Variants in SDK1 observed in about 807,000 individuals in gnomAD.
SDK1 encodes protein sidekick-1.
Under a neutral mutation model 245.5 loss-of-function variants are expected in SDK1, and 157 were observed. That is an observed-to-expected ratio of 0.64 (90% confidence interval 0.56 to 0.73). SDK1 has a LOEUF of 0.73. SDK1 is among the 30% of genes least tolerant of loss of function. SDK1 has a pLI of 0.00. For missense variants in SDK1, 3,583 were observed against 3,002.3 expected (o/e 1.19, Z -4.52); for synonymous variants, 1,647 against 1,278.5 (o/e 1.29, Z -6.15).
chr7:4,216,906 C>T (rs1290646205), intron 38 of SDK1, among the ~76,000 whole-genome samples: 1 of 152,200 alleles, frequency 6.6e-6, no homozygotes, highest in African/African-American at 2.4e-5. Context: ...CATCCCCAGC[C>T]ATCCCCGTCA....
intron 38 of SDK1, among the ~76,000 whole-genome samples, chr7:4,212,308 T>C (rs1784552267): frequency 6.6e-6 from 1 of 152,186 alleles, no homozygotes; most frequent in Admixed American, 6.5e-5. Flanking sequence ...CATCATTATT[T>C]TATGAAGTGC....
chr7:3,322,869 G>A (rs149512450), intron 1 of SDK1, among the ~76,000 whole-genome samples: 2,438 of 152,182 alleles, frequency 0.016, 58 homozygotes, highest in African/African-American at 0.049. Context: ...GGGTGTGGTG[G>A]TGTGATCACA....
rs527397818 is a variant in SDK1, at chr7:3,619,156, C to G, written c.375C>G (p.Thr125=). 8.8e-5 allele frequency: 142 copies of G among 1,613,788 alleles called. 1 individual carries two copies. The highest frequency in any genetic ancestry group is 1.2e-4 in the Non-Finnish European group (141 of 1,179,848). The change falls in exon 2 of 45, where the codon ACC becomes ACG. Residue 125 remains threonine, a synonymous_variant. Transcript: ENST00000404826. ...IHLEGNRLVL[T]CLAEGSWPLE... The stretch of plus-strand genomic sequence containing the variant: ...TGGAAGGGAACCGCCTTGTTCTCAC[C>G]TGCCTTGCCGAAGGGAGCTGGCCTT...
At chr7:3,330,397 G>A (rs958850574) in intron 1 of SDK1, among the ~76,000 whole-genome samples, 1 of 152,074 alleles carries the variant, frequency 6.6e-6, no homozygotes, top group Admixed American at 6.5e-5. Context: ...TTATGTGTTG[G>A]AAACTTCACC....
At chr7:3,797,381 C>G (rs1373457453) in intron 4 of SDK1, among the ~76,000 whole-genome samples, 1 of 151,176 alleles carries the variant, frequency 6.6e-6, no homozygotes, top group African/African-American at 2.4e-5. Context: ...TATAAATAAG[C>G]TAATGTATAT....
intron 38 of SDK1, among the ~76,000 whole-genome samples, chr7:4,210,509 G>T (rs1322849782): frequency 6.6e-6 from 1 of 152,128 alleles, no homozygotes; most frequent in African/African-American, 2.4e-5. Context: ...TTGTCCTGTG[G>T]TCGCCGACAG....
At chr7:3,633,567 A>G (rs1282330351) in intron 2 of SDK1, among the ~76,000 whole-genome samples, 5 of 152,134 alleles carry the variant, frequency 3.3e-5, no homozygotes, top group Non-Finnish European at 5.9e-5. Context: ...CATGATTTTT[A>G]GTGGTTTACC....
At chr7:3,486,071 T>C (rs1781685419) in intron 1 of SDK1, among the ~76,000 whole-genome samples, 1 of 152,090 alleles carries the variant, frequency 6.6e-6, no homozygotes, top group African/African-American at 2.4e-5. Flanking sequence ...AAATCATCTA[T>C]GCTTAGTGCT....
At chr7:3,907,188 C>A (rs1194680096) in intron 5 of SDK1, among the ~76,000 whole-genome samples, 1 of 152,236 alleles carries the variant, frequency 6.6e-6, no homozygotes, top group South Asian at 2.1e-4. Flanking sequence ...AACTTAGTAG[C>A]ATTAATTACA....
At chr7:3,710,055 T>C (rs1386899595) in intron 4 of SDK1, among the ~76,000 whole-genome samples, 1 of 152,284 alleles carries the variant, frequency 6.6e-6, no homozygotes, top group African/African-American at 2.4e-5. Flanking sequence ...GAGATTTTAT[T>C]AAAACTCTGT....
At chr7:4,237,181 T>C (rs559739794) in intron 41 of SDK1, among the ~76,000 whole-genome samples, 2 of 152,288 alleles carry the variant, frequency 1.3e-5, no homozygotes, top group African/African-American at 4.8e-5. Flanking sequence ...CACACGCCTC[T>C]GTGCCTGGCT....
intron 1 of SDK1, among the ~76,000 whole-genome samples, chr7:3,593,488 G>T (rs1236161441): frequency 1.3e-5 from 2 of 152,136 alleles, no homozygotes; most frequent in East Asian, 3.8e-4. Context: ...TACTTGTTTT[G>T]GAACATCATT....
At chr7:4,040,671 C>T (rs1458200463) in intron 17 of SDK1, among the ~76,000 whole-genome samples, 2 of 152,124 alleles carry the variant, frequency 1.3e-5, no homozygotes, top group South Asian at 2.1e-4. Context: ...CCAGGTGTGC[C>T]ATTTGCATAA....
rs1237629161 is a variant in SDK1, at chr7:4,180,043, G to A, written c.5098+1457G>A. On this transcript the variant is annotated intron_variant, in intron 35 of 44. Coordinates refer to ENST00000404826, the MANE Select transcript of SDK1 (RefSeq NM_152744.4). ...GGCAGGCCCTGAGACCGAGGCAGAC[G>A]TCCAGAGAAAAGAGCTTCAGCAAGC... Among the ~76,000 whole-genome samples, 4 of 152,210 alleles carry A rather than the reference G, an allele frequency of 2.6e-5. 1 individual carries two copies. The highest frequency in any genetic ancestry group is 4.8e-5 in the African/African-American group (2 of 41,520).
At chr7:3,698,984 G>T (rs541981471) in intron 4 of SDK1, among the ~76,000 whole-genome samples, 2 of 152,156 alleles carry the variant, frequency 1.3e-5, no homozygotes, top group Non-Finnish European at 2.9e-5. Flanking sequence ...CCCAGGGGAC[G>T]CTGGAGCTTT....
intron 5 of SDK1, among the ~76,000 whole-genome samples, chr7:3,913,476 G>A (rs1779257141): frequency 6.6e-6 from 1 of 151,832 alleles, no homozygotes; most frequent in South Asian, 2.1e-4. Flanking sequence ...TGTATTTTTG[G>A]TAGAGATGGG....
intron 1 of SDK1, among the ~76,000 whole-genome samples, chr7:3,448,810 T>C (rs765016037): frequency 6.6e-6 from 1 of 152,190 alleles, no homozygotes; most frequent in Non-Finnish European, 1.5e-5. Flanking sequence ...AGTAAGGTAA[T>C]GACTTTTTAA....
intron 35 of SDK1, among the ~76,000 whole-genome samples, chr7:4,185,691 G>T (rs1782847868): frequency 6.6e-6 from 1 of 152,160 alleles, no homozygotes; most frequent in Non-Finnish European, 1.5e-5. Context: ...ACAGCTCTTT[G>T]CATATCCACC....
chr7:3,549,468 G>A (rs1779333643), intron 1 of SDK1, among the ~76,000 whole-genome samples: 6 of 152,142 alleles, frequency 3.9e-5, no homozygotes, highest in Admixed American at 2.6e-4. Flanking sequence ...ATGTGCCAAA[G>A]GAAAATAAAA....
Sources: allele counts gnomAD v4.1 joint callset (sites outside exome capture counted in the v4.1 genomes callset), GRCh38; gene constraint gnomAD v4.1.1; transcripts MANE v1.5; gene names NCBI Gene and HGNC (gene_info 2026-07-23, HGNC 2026-07-21).